Variants in PPP1R9A observed in about 807,000 individuals in gnomAD.
PPP1R9A encodes protein phosphatase 1 regulatory subunit 9A, also known as neurabin-1.
In PPP1R9A, 59 loss-of-function variants were observed where a neutral mutation model predicts 141.9. That is an observed-to-expected ratio of 0.42 (90% CI 0.34 to 0.52). The LOEUF is 0.52. PPP1R9A is among the 20% of genes least tolerant of loss of function. The probability of loss-of-function intolerance (pLI) is 0.10; values close to 1 mark genes in which losing one functional copy is unlikely to be tolerated. For missense variants in PPP1R9A, 1,444 were observed against 1,611.9 expected, an observed-to-expected ratio of 0.90 and a Z score of 1.78; for synonymous variants, 500 against 569.7, an observed-to-expected ratio of 0.88 and a Z score of 1.74.
intron 2 of PPP1R9A, among the ~76,000 whole-genome samples, chr7:94,971,476 A>G (rs1798852997): frequency 6.6e-6 from 1 of 152,224 alleles, no homozygotes; most frequent in Non-Finnish European, 1.5e-5. Flanking sequence ...AATGTGAAAC[A>G]AACTGATTAA....
Position 95,290,083 on chromosome 7 carries a change from T to C in PPP1R9A, c.3913-8T>C. ...CAAATTCAGTTTGTGTGTGTGTTTCTTTCTTAGGCTCTTGGAATGACAGCA... is the reference window on the plus strand; with the variant it reads ...CAAATTCAGTTTGTGTGTGTGTTTCCTTCTTAGGCTCTTGGAATGACAGCA... On this transcript the variant is annotated splice_polypyrimidine_tract_variant and splice_region_variant and intron_variant, in intron 19 of 19. Coordinates refer to ENST00000433360, the MANE Select transcript of PPP1R9A (RefSeq NM_001166160.2). 6.2e-7 allele frequency: 1 copy of C among 1,612,100 alleles called. No homozygotes were observed. Among genetic ancestry groups the C allele is most frequent in the Non-Finnish European group, 8.5e-7 (1 of 1,179,442 alleles).
At chr7:95,211,965 G>C (rs1022035903) in intron 7 of PPP1R9A, among the ~76,000 whole-genome samples, 1 of 152,056 alleles carries the variant, frequency 6.6e-6, no homozygotes, top group African/African-American at 2.4e-5. Context: ...ATTCCAGCCT[G>C]GGTGACAGAA....
chr7:94,982,615 A>G (rs1405481904), intron 2 of PPP1R9A, among the ~76,000 whole-genome samples: 1 of 152,150 alleles, frequency 6.6e-6, no homozygotes, highest in East Asian at 1.9e-4. Flanking sequence ...TGGCTGCATA[A>G]ATGTCTTCTT....
At chr7:95,094,408 C>T (rs1354712900) in intron 2 of PPP1R9A, among the ~76,000 whole-genome samples, 6 of 152,216 alleles carry the variant, frequency 3.9e-5, no homozygotes, top group Non-Finnish European at 7.3e-5. Flanking sequence ...TCTCTCTCCT[C>T]TGTCACTCTA....
At chr7:95,289,641 G>T (rs936010067) in intron 19 of PPP1R9A, among the ~76,000 whole-genome samples, 1 of 152,122 alleles carries the variant, frequency 6.6e-6, no homozygotes, top group African/African-American at 2.4e-5. Context: ...GACATTTTTG[G>T]TTCTCATTGT....
chr7:95,064,464 G>A (rs1812680860), intron 2 of PPP1R9A, among the ~76,000 whole-genome samples: 1 of 152,152 alleles, frequency 6.6e-6, no homozygotes, highest in Non-Finnish European at 1.5e-5. Context: ...ATTCTCAACA[G>A]CAAAATCACC....
chr7:95,163,452 G>A (rs1830719793), intron 5 of PPP1R9A, among the ~76,000 whole-genome samples: 2 of 152,176 alleles, frequency 1.3e-5, no homozygotes, highest in Non-Finnish European at 2.9e-5. Flanking sequence ...CTTAACTCTA[G>A]TACAGGTTGA....
At chr7:94,998,615 T>C (rs982533856) in intron 2 of PPP1R9A, among the ~76,000 whole-genome samples, 4 of 152,238 alleles carry the variant, frequency 2.6e-5, no homozygotes, top group African/African-American at 9.6e-5. Flanking sequence ...GGCTCTGTTG[T>C]AACTTCTAGC....
intron 2 of PPP1R9A, among the ~76,000 whole-genome samples, chr7:94,993,362 C>T (rs1801756547): frequency 6.6e-6 from 1 of 152,048 alleles, no homozygotes; most frequent in Non-Finnish European, 1.5e-5. Context: ...TGTTCTTTTC[C>T]AGTTGTTTGG....
At chr7:95,084,587 C>T (rs1210196870) in intron 2 of PPP1R9A, among the ~76,000 whole-genome samples, 2 of 151,888 alleles carry the variant, frequency 1.3e-5, no homozygotes, top group Non-Finnish European at 2.9e-5. Flanking sequence ...TAGCCCTTCC[C>T]AGAAGTAATC....
At chr7:95,112,442 A>G (rs758197562) in intron 3 of PPP1R9A, among the ~76,000 whole-genome samples, 2 of 152,170 alleles carry the variant, frequency 1.3e-5, no homozygotes, top group South Asian at 4.1e-4. Context: ...AGAAAAGAAA[A>G]TGGTTAGATA....
chr7:94,957,189 T>C lies in PPP1R9A; in HGVS notation c.1395+45681T>C, dbSNP rs1399421011. Among the ~76,000 whole-genome samples, 3 of 152,222 alleles carry C rather than the reference T, an allele frequency of 2.0e-5. No homozygotes were observed. In the South Asian group the frequency reaches 6.2e-4, roughly 32 times the overall value. Reference sequence around the variant, plus strand: ...ATTCTTAAGGCACTGCATCAGATAGTTGAAGGGAAGACATAGTTTTTGCCT... The same window carrying C: ...ATTCTTAAGGCACTGCATCAGATAGCTGAAGGGAAGACATAGTTTTTGCCT... On this transcript the variant is annotated intron_variant, in intron 2 of 19. Coordinates refer to ENST00000433360, the MANE Select transcript of PPP1R9A (RefSeq NM_001166160.2).
intron 2 of PPP1R9A, among the ~76,000 whole-genome samples, chr7:95,110,678 A>G (rs530703742): frequency 6.6e-6 from 1 of 152,324 alleles, no homozygotes; most frequent in South Asian, 2.1e-4. Context: ...ACAGCCCTTT[A>G]GCGATATTTT....
At chr7:94,941,037 T>C (rs1795283894) in intron 2 of PPP1R9A, among the ~76,000 whole-genome samples, 1 of 152,106 alleles carries the variant, frequency 6.6e-6, no homozygotes, top group Non-Finnish European at 1.5e-5. Context: ...TGTGTCTTCA[T>C]TTTGCAGAAA....
intron 4 of PPP1R9A, among the ~76,000 whole-genome samples, chr7:95,140,168 C>T (rs941343991): frequency 2.6e-5 from 4 of 152,032 alleles, no homozygotes; most frequent in South Asian, 2.1e-4. Flanking sequence ...GGGAGTGGAG[C>T]GTAAGCTAGA....
intron 2 of PPP1R9A, among the ~76,000 whole-genome samples, chr7:95,000,445 A>C (rs1390875401): frequency 6.6e-6 from 1 of 152,110 alleles, no homozygotes; most frequent in Non-Finnish European, 1.5e-5. Context: ...GGTACTTAGT[A>C]GTTTGATTTT....
intron 7 of PPP1R9A, among the ~76,000 whole-genome samples, chr7:95,207,561 G>C (rs10953140): frequency 0.14 from 21,648 of 152,058 alleles, 1,771 homozygotes; most frequent in African/African-American, 0.21. Flanking sequence ...ATCATAGCTA[G>C]GTTGGGTTTA....
rs998137515 is a variant in PPP1R9A at position 95,294,693 on chromosome 7, T to C, written c.*4390T>C. On this transcript the variant is annotated 3_prime_UTR_variant, in exon 20 of 20. Transcript: ENST00000433360. The stretch of plus-strand genomic sequence containing the variant: ...ACCAGACAAAACACATTTGAGTAAC[T>C]TGAAGTAGCAGCATAGAATAGGCCC... 3 of 152,186 alleles carry C rather than the reference T, an allele frequency of 2.0e-5. No individual in the cohort carries two copies. The highest frequency in any genetic ancestry group is 7.2e-5 in the African/African-American group (3 of 41,444). The allele number at this position is 152,186 out of a possible 1,614,324, so 9.4% of individuals were successfully genotyped here.
intron 2 of PPP1R9A, among the ~76,000 whole-genome samples, chr7:95,078,802 C>T (rs2152265413): frequency 6.6e-6 from 1 of 151,342 alleles, no homozygotes; most frequent in East Asian, 2.0e-4. Flanking sequence ...CTGTTCATGT[C>T]CTTCGCCCAC....
Sources: allele counts gnomAD v4.1 joint callset (sites outside exome capture counted in the v4.1 genomes callset), GRCh38; gene constraint gnomAD v4.1.1; transcripts MANE v1.5; gene names NCBI Gene and HGNC (gene_info 2026-07-23, HGNC 2026-07-21).